Variants in ZZEF1 observed in about 807,000 individuals in gnomAD.
The protein encoded by ZZEF1 is zinc finger ZZ-type and EF-hand domain containing 1, also known as zinc finger ZZ-type and EF-hand domain-containing protein 1.
In ZZEF1, 157 loss-of-function variants were observed where a neutral mutation model predicts 342.8. The observed-to-expected ratio is 0.46, with a 90% CI of 0.40 to 0.52. The LOEUF (loss-of-function observed/expected upper bound fraction) is 0.52, where lower values mean the gene tolerates loss of function less well. ZZEF1 is among the 20% of genes least tolerant of loss of function. The probability of loss-of-function intolerance (pLI) is 0.00; values close to 1 mark genes in which losing one functional copy is unlikely to be tolerated. For synonymous variants in ZZEF1, 1,505 were observed against 1,429.1 expected (o/e 1.05, Z -1.20); for missense variants, 3,480 against 3,725.6 (o/e 0.93, Z 1.72).
chr17:4,127,602 A>AT (rs974575361), intron 1 of ZZEF1, among the ~76,000 whole-genome samples: 6 of 152,286 alleles, frequency 3.9e-5, no homozygotes, highest in Admixed American at 1.3e-4. Flanking sequence ...AAAAAGCCAG[A>AT]TCCCCCTTCC....
chr17:4,043,732 G>A (rs1455488767), intron 38 of ZZEF1, among the ~76,000 whole-genome samples: 3 of 152,046 alleles, frequency 2.0e-5, no homozygotes, highest in East Asian at 1.9e-4. Context: ...TTTCTTCTCC[G>A]AACGCCCATC....
At chr17:4,081,819 G>C (rs1178803254) in intron 17 of ZZEF1, among the ~76,000 whole-genome samples, 1 of 147,134 alleles carries the variant, frequency 6.8e-6, no homozygotes, top group East Asian at 2.0e-4. Context: ...AACGTTCCTT[G>C]TGTCTTCACA....
At chr17:4,007,294 C>T (rs936263166) in intron 54 of ZZEF1, among the ~76,000 whole-genome samples, 2 of 152,214 alleles carry the variant, frequency 1.3e-5, no homozygotes, top group Non-Finnish European at 2.9e-5. Context: ...AAGGCACTCA[C>T]AGGAAACGAA....
intron 2 of ZZEF1, among the ~76,000 whole-genome samples, chr17:4,123,474 T>C (rs905151794): frequency 6.6e-6 from 1 of 151,808 alleles, no homozygotes; most frequent in Non-Finnish European, 1.5e-5. Context: ...GACGCAAATG[T>C]GAGGACAGAG....
rs772796140 is a variant in ZZEF1, at chr17:4,064,408, C to T, written c.4671G>A (p.Leu1557=). 1 of 1,609,942 alleles carries T rather than the reference C, an allele frequency of 6.2e-7. No individual in the cohort carries two copies. Among genetic ancestry groups the T allele is most frequent in the African/African-American group, 1.3e-5 (1 of 74,852 alleles). The change falls in exon 29 of 55, where the codon CTG becomes CTA. Residue 1557 remains leucine (L), a synonymous_variant. Transcript: ENST00000381638. ...VPTVKEKYPV[L]KDVMDFIKDQ... The stretch of plus-strand genomic sequence containing the variant: ...CCTTAATGAAGTCCATGACGTCCTT[C>T]AGCACAGGGTATTTCTCTTTCACTG...
intron 19 of ZZEF1, 111 bp downstream of exon 19, chr17:4,077,772 G>T (rs8070737): frequency 0.16 from 187,985 of 1,143,174 alleles, 16,320 homozygotes; most frequent in East Asian, 0.22. Flanking sequence ...AATCTGAATC[G>T]TAATGAAGAA....
chr17:4,053,473 C>T (rs1056404251), intron 34 of ZZEF1, among the ~76,000 whole-genome samples: 4 of 152,246 alleles, frequency 2.6e-5, no homozygotes, highest in African/African-American at 7.2e-5. Context: ...GCTGCTACTG[C>T]TTCTAAACTT....
chr17:4,053,086 T>C lies in ZZEF1; in HGVS notation c.5435-950A>G, dbSNP rs143885090. 8.8e-4 allele frequency among the ~76,000 whole-genome samples: 134 copies of C among 152,338 alleles called. 1 individual carries two copies. Among genetic ancestry groups the C allele is most frequent in the African/African-American group, 3.0e-3 (123 of 41,592 alleles). On this transcript the variant is annotated intron_variant, in intron 34 of 54. Transcript: ENST00000381638. Reference sequence around the variant, plus strand: ...AACCCAGTCCAGGCTCCCATGCCTGTGTGAATACTGTGACTGATTTCCTAA... The same window carrying C: ...AACCCAGTCCAGGCTCCCATGCCTGCGTGAATACTGTGACTGATTTCCTAA...
chr17:4,042,789 C>T (rs1452967382), intron 38 of ZZEF1, among the ~76,000 whole-genome samples: 1 of 152,234 alleles, frequency 6.6e-6, no homozygotes, highest in Non-Finnish European at 1.5e-5. Context: ...TCAAGCAATT[C>T]TCCTACCTCA....
rs577378891 is a variant in ZZEF1 at position 4,097,105 on chromosome 17, C to CA, written c.1673-406dup. Reference sequence around the variant, plus strand: ...AGAAACCCCGTCTCTACTAAAAATACAAAAAATTATCCAGGTGTGGTGGCG... The same window carrying CA: ...AGAAACCCCGTCTCTACTAAAAATACAAAAAAATTATCCAGGTGTGGTGGCG... On this transcript the variant is annotated intron_variant, in intron 9 of 54. Transcript: ENST00000381638. 1.4e-3 allele frequency among the ~76,000 whole-genome samples: 211 copies of CA among 151,938 alleles called. 1 individual carries two copies. The highest frequency in any genetic ancestry group is 4.8e-3 in the African/African-American group (198 of 41,442).
At position 4,016,513 on chromosome 17, in the gene ZZEF1, G is replaced by A. The variant is rs781415609; in HGVS notation, c.8002-47C>T. The A allele has an allele frequency of 3.2e-6, 5 of 1,567,718 alleles. No individual in the cohort carries two copies. Among genetic ancestry groups the A allele is most frequent in the Non-Finnish European group, 4.3e-6 (5 of 1,164,882 alleles). ...AGGTCAGGGCCTGCAAGTGGCATCA[G>A]GAAGAAGGGACAGTTTACTTCAACC... On this transcript the variant is annotated intron_variant, in intron 48 of 54. Transcript: ENST00000381638. This position sits in a 1 kb window ranked among gnomAD's most constrained non-coding sequence, Gnocchi z 4.4.
intron 42 of ZZEF1, among the ~76,000 whole-genome samples, chr17:4,030,181 T>C (rs1424789259): frequency 6.6e-6 from 1 of 152,142 alleles, no homozygotes; most frequent in Non-Finnish European, 1.5e-5. Context: ...AGTTGGTCCT[T>C]TGAAAAGATC....
intron 1 of ZZEF1, among the ~76,000 whole-genome samples, chr17:4,135,512 C>T (rs1047428215): frequency 6.6e-6 from 1 of 151,984 alleles, no homozygotes; most frequent in Non-Finnish European, 1.5e-5. Flanking sequence ...TGAATCCATT[C>T]TCCAGTGTCT....
rs1190312231 is a variant in ZZEF1, at chr17:4,017,498, G to C, written c.7874C>G (p.Ser2625Cys). 2.5e-6 allele frequency: 4 copies of C among 1,614,164 alleles called. No homozygotes were observed. The highest frequency in any genetic ancestry group is 3.4e-6 in the Non-Finnish European group (4 of 1,180,060). The change falls in exon 48 of 55, where the codon TCC becomes TGC. Residue 2625 changes from serine (S) to cysteine (C), a missense_variant. By Grantham distance (112) the Ser-to-Cys change is moderately radical (BLOSUM62 -1). This residue lies in a region of ZZEF1 where 1,269 missense variants were observed against 1,342.4 expected (regional missense o/e 0.95). Transcript: ENST00000381638. This position sits in a 1 kb window ranked among gnomAD's most constrained non-coding sequence, Gnocchi z 5.1. ...AVLYARHVLA[S>C]LLAEWPSHVP... ...GTGGCTAGGCCACTCGGCGAGCAGG[G>C]ATGCAAGCACGTGGCGGGCGTACAG...
intron 39 of ZZEF1, among the ~76,000 whole-genome samples, chr17:4,041,141 C>A (rs184336010): frequency 6.6e-6 from 1 of 152,140 alleles, no homozygotes; most frequent in Non-Finnish European, 1.5e-5. Context: ...AGGTGAATTA[C>A]CAGCTACCTA....
In ZZEF1 at chr17:4,017,091, G is replaced by C. The variant is rs148241234; in HGVS notation, c.8001+280C>G. 90 of 412,426 alleles carry C rather than the reference G, an allele frequency of 2.2e-4. No homozygotes were observed. Among genetic ancestry groups the C allele is most frequent in the African/African-American group, 1.7e-3 (83 of 50,018 alleles). 25.5% of individuals were successfully genotyped at this position (412,426 alleles called of 1,614,324 possible). A position where few individuals can be genotyped will look rare whatever the true frequency, so the allele number is the denominator to read the frequency against. On this transcript the variant is annotated intron_variant, in intron 48 of 54. Coordinates refer to ENST00000381638, the MANE Select transcript of ZZEF1 (RefSeq NM_015113.4). This position sits in a 1 kb window ranked among gnomAD's most constrained non-coding sequence, Gnocchi z 5.1. ...GGTGGGTGAGGGACAGGATCAAAAAGGAGCTACCGAATGTGCCTCAAGATT... is the reference window on the plus strand; with the variant it reads ...GGTGGGTGAGGGACAGGATCAAAAACGAGCTACCGAATGTGCCTCAAGATT...
chr17:4,044,799 G>C (rs1277959851), intron 37 of ZZEF1, among the ~76,000 whole-genome samples: 1 of 152,070 alleles, frequency 6.6e-6, no homozygotes, highest in African/African-American at 2.4e-5. Flanking sequence ...TTACAGGCGT[G>C]AGCTACCAGG....
chr17:4,121,563 C>A (rs1009174174), intron 2 of ZZEF1, among the ~76,000 whole-genome samples: 1 of 152,138 alleles, frequency 6.6e-6, no homozygotes, highest in Non-Finnish European at 1.5e-5. Context: ...GAGGTGGAGG[C>A]TGCAGTGAAT....
At chr17:4,114,959 GTA>G (rs1257079789) in intron 3 of ZZEF1, among the ~76,000 whole-genome samples, 1 of 152,130 alleles carries the variant, frequency 6.6e-6, no homozygotes, top group African/African-American at 2.4e-5. Flanking sequence ...ATGATCAAAT[GTA>G]TATATAAACA....
Sources: allele counts gnomAD v4.1 joint callset (sites outside exome capture counted in the v4.1 genomes callset), GRCh38; gene constraint gnomAD v4.1.1; regional missense constraint gnomAD v4.1.1; non-coding constraint Gnocchi (gnomAD v3.1); transcripts MANE v1.5; gene names NCBI Gene and HGNC (gene_info 2026-07-23, HGNC 2026-07-21).